The following SHOC2 variants were observed in gnomAD, a reference collection of about 807,000 sequenced individuals.
SHOC2 encodes the protein SHOC2 leucine rich repeat scaffold protein, also known as leucine-rich repeat protein SHOC-2.
SHOC2 carries 4 observed loss-of-function variants against 50.2 expected under a neutral mutation model. That is an observed-to-expected ratio of 0.08 (90% CI 0.04 to 0.18). The LOEUF (loss-of-function observed/expected upper bound fraction) is 0.18. Among genes scored for constraint, SHOC2 ranks in the 10% least tolerant of loss-of-function variants. The pLI is 1.00. For synonymous variants in SHOC2, 218 were observed against 244.5 expected (o/e 0.89, Z 1.01); for missense variants, 388 against 669.6 (o/e 0.58, Z 4.64).
chr10:111,012,132 A>G lies in SHOC2; in HGVS notation c.*314A>G, dbSNP rs1406772865. Reference sequence around the variant, plus strand: ...TAAGGGACAGAGGTAGTATAGTTAGATATACTTTCTCTTAGGAAAAATAAT... The same window carrying G: ...TAAGGGACAGAGGTAGTATAGTTAGGTATACTTTCTCTTAGGAAAAATAAT... On this transcript the variant is annotated 3_prime_UTR_variant, in exon 9 of 9. Transcript: ENST00000369452. 1.5e-5 allele frequency: 4 copies of G among 266,460 alleles called. No individual in the cohort carries two copies. The highest frequency in any genetic ancestry group is 2.3e-5 in the African/African-American group (1 of 44,376). The allele number at this position is 266,460 out of a possible 1,614,324, so 16.5% of individuals were successfully genotyped here.
At chr10:110,926,630 CAT>C (rs1242214498) in intron 1 of SHOC2, among the ~76,000 whole-genome samples, 84 of 152,248 alleles carry the variant, frequency 5.5e-4, no homozygotes, top group African/African-American at 5.3e-4. Context: ...TTATGACAAA[CAT>C]GCGTAGAATC....
intron 4 of SHOC2, among the ~76,000 whole-genome samples, chr10:111,001,912 A>C (rs889934881): frequency 1.3e-5 from 2 of 152,054 alleles, no homozygotes; most frequent in Admixed American, 6.6e-5. Flanking sequence ...GGTGGTGGGC[A>C]CCTGTAATCC....
chr10:111,012,875 G>T lies in SHOC2; in HGVS notation c.*1057G>T, dbSNP rs1287730466. 1 of 152,604 alleles carries T rather than the reference G, an allele frequency of 6.6e-6. No homozygotes were observed. Among genetic ancestry groups the T allele is most frequent in the Non-Finnish European group, 1.5e-5 (1 of 68,012 alleles). The allele number at this position is 152,604 out of a possible 1,614,324, so 9.5% of individuals were successfully genotyped here. ...ACAGTGTACTATGGTTTTATATCTT[G>T]ACTTGCCTTGTACATCTTTCAATTC... On this transcript the variant is annotated 3_prime_UTR_variant, in exon 9 of 9. Transcript: ENST00000369452.
chr10:111,008,501 G>A (rs1484030194), intron 6 of SHOC2, among the ~76,000 whole-genome samples: 1 of 151,866 alleles, frequency 6.6e-6, no homozygotes, highest in African/African-American at 2.4e-5. Flanking sequence ...GTGAAATGGG[G>A]ATAATAAGAG....
At chr10:110,943,920 A>G (rs1241022936) in intron 1 of SHOC2, among the ~76,000 whole-genome samples, 2 of 151,716 alleles carry the variant, frequency 1.3e-5, no homozygotes, top group Non-Finnish European at 2.9e-5. Context: ...CTTTCAACCA[A>G]CTCTTTTAGC....
intron 1 of SHOC2, among the ~76,000 whole-genome samples, chr10:110,927,764 A>G (rs1846805176): frequency 6.6e-6 from 1 of 152,252 alleles, no homozygotes; most frequent in Non-Finnish European, 1.5e-5. Context: ...TGTGTTGGGC[A>G]CCAAGCACCT....
chr10:110,985,107 T>C (rs12249906), intron 2 of SHOC2, among the ~76,000 whole-genome samples: 2,961 of 152,292 alleles, frequency 0.019, 82 homozygotes, highest in African/African-American at 0.068. Flanking sequence ...AATTCACAAT[T>C]ATCAAAGTTG....
intron 3 of SHOC2, among the ~76,000 whole-genome samples, chr10:110,987,924 G>A (rs1428900546): frequency 1.3e-5 from 2 of 151,996 alleles, no homozygotes; most frequent in Non-Finnish European, 1.5e-5. Flanking sequence ...AAGTCCCCTA[G>A]AATCTAGATC....
At chr10:111,007,361 C>T (rs1848489039) in intron 5 of SHOC2, among the ~76,000 whole-genome samples, 170 bp from the exon 6 acceptor site, 1 of 152,114 alleles carries the variant, frequency 6.6e-6, no homozygotes, top group South Asian at 2.1e-4. Context: ...GTATAAAAAA[C>T]TTTGGAGGCT....
Position 111,013,274 on chromosome 10 carries a change from A to G in SHOC2, c.*1456A>G, listed in dbSNP as rs1304098805. The G allele has an allele frequency of 6.7e-6, 1 of 149,156 alleles. No homozygotes were observed. Among genetic ancestry groups the G allele is most frequent in the Non-Finnish European group, 1.5e-5 (1 of 67,440 alleles). 9.2% of individuals were successfully genotyped at this position (149,156 alleles called of 1,614,324 possible). On this transcript the variant is annotated 3_prime_UTR_variant, in exon 9 of 9. Coordinates refer to ENST00000369452, the MANE Select transcript of SHOC2 (RefSeq NM_007373.4). ...AACACTTCATATATAATTAATCACT[A>G]TTTTGTATAATTACATATTGCTGCT...
chr10:111,009,226 A>G, intron 6 of SHOC2, 22 bp from the exon 7 acceptor site: 9 of 1,469,902 alleles, frequency 6.1e-6, no homozygotes, highest in Non-Finnish European at 8.6e-6. Context: ...TTTCCTAAAC[A>G]TTATCAATAA....
chr10:110,998,382 T>A (rs1032541817), intron 3 of SHOC2, among the ~76,000 whole-genome samples: 1 of 152,156 alleles, frequency 6.6e-6, no homozygotes, highest in East Asian at 1.9e-4. Flanking sequence ...TCACTCAATT[T>A]TTTTTTTTCT....
At chr10:110,952,159 A>G (rs11195387) in intron 1 of SHOC2, among the ~76,000 whole-genome samples, 16,345 of 152,096 alleles carry the variant, frequency 0.11, 965 homozygotes, top group Middle Eastern at 0.16. Flanking sequence ...TTAATAAAGC[A>G]GTAATTTAAG....
chr10:110,975,946 T>C (rs1231719224), intron 2 of SHOC2, among the ~76,000 whole-genome samples: 1 of 152,166 alleles, frequency 6.6e-6, no homozygotes, highest in Non-Finnish European at 1.5e-5. Context: ...GTTTTGCTCT[T>C]GTTGCCAAGG....
chr10:110,963,218 T>G (rs1354039743), intron 1 of SHOC2, among the ~76,000 whole-genome samples: 1 of 152,194 alleles, frequency 6.6e-6, no homozygotes, highest in African/African-American at 2.4e-5. Flanking sequence ...GAGGACTGAT[T>G]CCTTCCATAA....
At chr10:110,976,250 A>G (rs573962477) in intron 2 of SHOC2, among the ~76,000 whole-genome samples, 2 of 151,794 alleles carry the variant, frequency 1.3e-5, no homozygotes, top group African/African-American at 4.8e-5. Flanking sequence ...CCGTTAACAT[A>G]TTGTAGTACA....
chr10:110,979,595 A>T (rs887296842), intron 2 of SHOC2, among the ~76,000 whole-genome samples: 1 of 152,160 alleles, frequency 6.6e-6, no homozygotes, highest in African/African-American at 2.4e-5. Flanking sequence ...ACAGTTTTAA[A>T]TTATCAACAC....
intron 1 of SHOC2, among the ~76,000 whole-genome samples, chr10:110,936,095 AT>A (rs11422342): frequency 2.2e-3 from 282 of 129,874 alleles, no homozygotes; most frequent in African/African-American, 3.4e-3. Flanking sequence ...TGCTTCACTG[AT>A]TTTTTTTTTT....
At chr10:110,955,474 T>G (rs1050096557) in intron 1 of SHOC2, among the ~76,000 whole-genome samples, 1 of 152,136 alleles carries the variant, frequency 6.6e-6, no homozygotes, top group Non-Finnish European at 1.5e-5. Context: ...GAGGTAGGTT[T>G]TTAGTGAGAT....
Sources: gnomAD v4.1 joint callset for allele counts (sites outside exome capture counted in the v4.1 genomes callset) on GRCh38, gnomAD v4.1.1 for gene constraint, MANE v1.5 for transcripts, NCBI Gene and HGNC (gene_info 2026-07-23, HGNC 2026-07-21) for gene names.